The following PCSK5 variants were observed in gnomAD, a reference collection of about 807,000 sequenced individuals.
PCSK5 encodes the protein prohormone convertase 5.
PCSK5 carries 129 observed loss-of-function variants against 233.2 expected under a neutral mutation model. The ratio of observed to expected loss-of-function variants is 0.55; its 90% CI spans 0.48 to 0.64. The LOEUF (loss-of-function observed/expected upper bound fraction) is 0.64. PCSK5 is among the 30% of genes least tolerant of loss of function. The pLI is 0.00. For synonymous variants in PCSK5, 825 were observed against 879.2 expected (o/e 0.94, Z 1.09); for missense variants, 2,076 against 2,430.1 (o/e 0.85, Z 3.06).
intron 2 of PCSK5, among the ~76,000 whole-genome samples, chr9:75,981,958 A>C (rs1412375192): frequency 2.6e-5 from 4 of 152,218 alleles, no homozygotes; most frequent in Admixed American, 2.0e-4. Context: ...AAGGGCATGC[A>C]GTAGAAGGCA....
intron 3 of PCSK5, among the ~76,000 whole-genome samples, chr9:76,000,087 C>G (rs549040472): frequency 6.6e-6 from 1 of 152,288 alleles, no homozygotes; most frequent in South Asian, 2.1e-4. Context: ...AACAAACAAA[C>G]AACCCCATCA....
intron 24 of PCSK5, among the ~76,000 whole-genome samples, chr9:76,289,517 TACACACACAC>T (rs138282168): frequency 7.5e-4 from 90 of 119,460 alleles, no homozygotes; most frequent in Middle Eastern, 4.3e-3. Context: ...ACACGCAACA[TACACACACAC>T]ACACACACAC....
At chr9:76,183,211 T>TGA (rs1823950637) in intron 16 of PCSK5, among the ~76,000 whole-genome samples, 1 of 152,190 alleles carries the variant, frequency 6.6e-6, no homozygotes, top group Non-Finnish European at 1.5e-5. Flanking sequence ...CCAAGGTAAT[T>TGA]GAGAGTCCGT....
chr9:75,902,214 T>TTAAAA (rs1554703242), intron 1 of PCSK5, among the ~76,000 whole-genome samples: 6 of 53,300 alleles, frequency 1.1e-4, no homozygotes, highest in East Asian at 7.5e-4. Flanking sequence ...AGACACCATC[T>TTAAAA]AAAAAAAAAA....
chr9:75,951,003 T>G (rs566950329), intron 2 of PCSK5, among the ~76,000 whole-genome samples: 19 of 152,310 alleles, frequency 1.2e-4, no homozygotes, highest in African/African-American at 4.6e-4. Context: ...ATTTGGGAAA[T>G]TTTGTAAGTA....
intron 3 of PCSK5, among the ~76,000 whole-genome samples, chr9:76,005,482 T>C (rs1410052284): frequency 6.6e-6 from 1 of 152,246 alleles, no homozygotes; most frequent in Non-Finnish European, 1.5e-5. Flanking sequence ...TATCACTTAA[T>C]CTGTTCTTGG....
chr9:76,076,164 A>T (rs192621659), intron 7 of PCSK5, among the ~76,000 whole-genome samples: 13 of 152,276 alleles, frequency 8.5e-5, no homozygotes, highest in Admixed American at 5.9e-4. Flanking sequence ...AGAGCAAAGA[A>T]CCCCAGGTAG....
At chr9:76,229,245 C>T (rs1332928018) in intron 21 of PCSK5, among the ~76,000 whole-genome samples, 1 of 152,182 alleles carries the variant, frequency 6.6e-6, no homozygotes, top group Non-Finnish European at 1.5e-5. Flanking sequence ...TCCAATTCCC[C>T]ACCATACCAA....
chr9:76,202,547 A>G (rs996979767), intron 20 of PCSK5, among the ~76,000 whole-genome samples: 5 of 152,224 alleles, frequency 3.3e-5, no homozygotes, highest in Non-Finnish European at 7.3e-5. Flanking sequence ...CTTAGCTCAC[A>G]ACATTCTCTT....
At chr9:76,266,926 G>T (rs1416693363) in intron 24 of PCSK5, among the ~76,000 whole-genome samples, 1 of 151,766 alleles carries the variant, frequency 6.6e-6, no homozygotes, top group East Asian at 1.9e-4. Context: ...CTGTAAACCT[G>T]GAAAAAAAAT....
At chr9:75,929,826 C>T (rs7038556) in intron 1 of PCSK5, among the ~76,000 whole-genome samples, 45,199 of 151,080 alleles carry the variant, frequency 0.3, 7,091 homozygotes, top group Middle Eastern at 0.38. Context: ...GAGGGCCAAG[C>T]GACAGGGGTT....
chr9:76,330,187 G>A (rs1278177163), intron 33 of PCSK5, among the ~76,000 whole-genome samples: 1 of 152,122 alleles, frequency 6.6e-6, no homozygotes, highest in Non-Finnish European at 1.5e-5. Context: ...TCCCTCTTGA[G>A]CAAAAAGTGG....
At chr9:76,351,077 G>A (rs2257220) in intron 36 of PCSK5, 149 bp downstream of exon 36, 445,544 of 517,806 alleles carry the variant, frequency 0.86, 192,644 homozygotes, top group South Asian at 0.9. Context: ...ACCTTCTACC[G>A]TTGCATCATG....
At chr9:76,328,965 C>T (rs956457564) in intron 33 of PCSK5, among the ~76,000 whole-genome samples, 10 of 121,992 alleles carry the variant, frequency 8.2e-5, no homozygotes, top group East Asian at 2.1e-4. Flanking sequence ...GGCACCATCG[C>T]TCCCGGCTAA....
At chr9:76,244,399 A>G (rs1471676427) in intron 24 of PCSK5, among the ~76,000 whole-genome samples, 1 of 152,162 alleles carries the variant, frequency 6.6e-6, no homozygotes, top group Non-Finnish European at 1.5e-5. Context: ...GTGAGAAGGG[A>G]CATCATCCTT....
At chr9:76,091,198 G>A (rs537926158) in intron 7 of PCSK5, among the ~76,000 whole-genome samples, 5 of 152,236 alleles carry the variant, frequency 3.3e-5, no homozygotes, top group African/African-American at 1.2e-4. Context: ...TAGTTCTGGA[G>A]GCTGGAAGTC....
intron 9 of PCSK5, among the ~76,000 whole-genome samples, chr9:76,113,722 G>T (rs994667154): frequency 1.3e-5 from 2 of 152,078 alleles, no homozygotes; most frequent in Admixed American, 6.6e-5. Context: ...TAATATTGGG[G>T]TTAGCATCTT....
intron 9 of PCSK5, among the ~76,000 whole-genome samples, chr9:76,124,829 A>G (rs551418735): frequency 2.0e-5 from 3 of 150,338 alleles, no homozygotes; most frequent in African/African-American, 7.3e-5. Context: ...TATCGATTCC[A>G]CCTATCCATG....
At chr9:76,327,031 C>G (rs1017664036) in intron 32 of PCSK5, among the ~76,000 whole-genome samples, 2 of 151,784 alleles carry the variant, frequency 1.3e-5, no homozygotes, top group Admixed American at 1.3e-4. Flanking sequence ...CTTTGGGAGG[C>G]CAAGGCAGGA....
Sources: allele counts gnomAD v4.1 joint callset (sites outside exome capture counted in the v4.1 genomes callset), GRCh38; gene constraint gnomAD v4.1.1; transcripts MANE v1.5; gene names NCBI Gene and HGNC (gene_info 2026-07-23, HGNC 2026-07-21).